Variants in SHC3 observed in about 807,000 individuals in gnomAD.
SHC3 encodes SHC-transforming protein 3.
In SHC3, 15 loss-of-function variants were observed where a neutral mutation model predicts 60.4. The observed-to-expected ratio is 0.25, with a 90% confidence interval of 0.17 to 0.38. The LOEUF (loss-of-function observed/expected upper bound fraction) is 0.38. Ranked by LOEUF, SHC3 falls within the 10% of genes least tolerant of loss-of-function variation. The pLI is 1.00. For synonymous variants in SHC3, 294 were observed against 325.9 expected, an observed-to-expected ratio of 0.90 and a Z score of 1.05; for missense variants, 677 against 786.1, an observed-to-expected ratio of 0.86 and a Z score of 1.66.
At chr9:89,047,713 G>T (rs564181776) in intron 7 of SHC3, among the ~76,000 whole-genome samples, 1 of 152,268 alleles carries the variant, frequency 6.6e-6, no homozygotes, top group South Asian at 2.1e-4. Context: ...GCCCACTAGG[G>T]TAGCTATAAT....
At chr9:89,124,971 T>C (rs563304390) in intron 1 of SHC3, among the ~76,000 whole-genome samples, 33 of 152,150 alleles carry the variant, frequency 2.2e-4, no homozygotes, top group Non-Finnish European at 4.7e-4. Flanking sequence ...AAATCTTGCA[T>C]TGCATTCAAA....
intron 6 of SHC3, among the ~76,000 whole-genome samples, chr9:89,062,574 A>T (rs28549358): frequency 0.052 from 7,952 of 152,336 alleles, 277 homozygotes; most frequent in Middle Eastern, 0.085. Context: ...ACGGAAAAAG[A>T]CAAACAGTAA....
At chr9:89,052,508 T>A (rs1824877999) in intron 6 of SHC3, among the ~76,000 whole-genome samples, 1 of 152,226 alleles carries the variant, frequency 6.6e-6, no homozygotes. Context: ...AGAAGGAGAC[T>A]TCAGCACGAC....
At chr9:89,102,907 G>A (rs578081617) in intron 2 of SHC3, among the ~76,000 whole-genome samples, 1 of 152,166 alleles carries the variant, frequency 6.6e-6, no homozygotes, top group East Asian at 1.9e-4. Flanking sequence ...GTCTCCAGAT[G>A]AATACGAACA....
intron 2 of SHC3, among the ~76,000 whole-genome samples, chr9:89,090,194 T>C (rs984377669): frequency 6.6e-6 from 1 of 152,136 alleles, no homozygotes; most frequent in African/African-American, 2.4e-5. Context: ...TCTCCACCCA[T>C]TTCTCTCTCC....
At chr9:89,065,622 T>C in intron 5 of SHC3, 42 bp from the exon 6 acceptor site, 1 of 1,597,784 alleles carries the variant, frequency 6.3e-7, no homozygotes, top group Non-Finnish European at 8.6e-7. Flanking sequence ...TAATCACAAG[T>C]GAGAGACCAC....
In SHC3 at chr9:89,153,902, C is replaced by T. The variant is rs141631427; in HGVS notation, c.474+24085G>A. ...CGGACCTTCAGTGAGCCTCTGCCAC[C>T]TGCCAGGCACTCCGCAGAGCCTTTC... is the stretch of plus-strand genomic sequence containing the variant. On this transcript the variant is annotated intron_variant, in intron 1 of 11. Coordinates refer to ENST00000375835, the MANE Select transcript of SHC3 (RefSeq NM_016848.6). Among the ~76,000 whole-genome samples, 463 of 152,344 alleles carry T rather than the reference C, an allele frequency of 3.0e-3. 4 individuals carry two copies. Among genetic ancestry groups the T allele is most frequent in the African/African-American group, 9.7e-3 (403 of 41,582 alleles).
At chr9:89,096,914 T>C (rs1825710839) in intron 2 of SHC3, among the ~76,000 whole-genome samples, 1 of 152,052 alleles carries the variant, frequency 6.6e-6, no homozygotes, top group South Asian at 2.1e-4. Context: ...CAGAACCTCA[T>C]AAAAGTACCA....
chr9:89,032,402 CAGCGGT>C (rs1824504965), intron 11 of SHC3, among the ~76,000 whole-genome samples: 1 of 152,212 alleles, frequency 6.6e-6, no homozygotes, highest in South Asian at 2.1e-4. Flanking sequence ...ACCCACCCAC[CAGCGGT>C]AGCAACACAT....
intron 6 of SHC3, among the ~76,000 whole-genome samples, chr9:89,060,780 GTGAC>G (rs1415032062): frequency 6.6e-6 from 1 of 152,148 alleles, no homozygotes; most frequent in Non-Finnish European, 1.5e-5. Flanking sequence ...CGGGCACAGA[GTGAC>G]TGATGATTAA....
intron 6 of SHC3, among the ~76,000 whole-genome samples, chr9:89,052,650 T>C (rs1178697445): frequency 2.0e-5 from 3 of 152,224 alleles, no homozygotes; most frequent in Non-Finnish European, 4.4e-5. Flanking sequence ...CACTTGCTTC[T>C]TAGTGGGGGT....
At position 89,066,516 on chromosome 9, in the gene SHC3, C is replaced by T. The variant is rs145653129; in HGVS notation, c.784-936G>A. ...AAATGATGACCTCAAAAGTAGACCA[C>T]GGCAACCATATGCATTTTAATTCAT... On this transcript the variant is annotated intron_variant, in intron 5 of 11. Transcript: ENST00000375835. Among the ~76,000 whole-genome samples the T allele has an allele frequency of 2.0e-3, 299 of 152,254 alleles. 5 individuals are homozygous for T. The East Asian group carries it at 0.037, about 19-fold the overall frequency.
Position 89,013,515 on chromosome 9 carries a change from T to C in SHC3, c.1717A>G (p.Ser573Gly), listed in dbSNP as rs751419775. ...CCTGCAGAGACAATGGGCAGGCTGC[T>C]TTCTAGGTGGTGGTTGATGAGGTGG... ...ISHLINHHLESSLPIVSAGSE... is the reference protein window; with the variant it reads ...ISHLINHHLEGSLPIVSAGSE... The change falls in exon 12 of 12, where the codon AGC becomes GGC. Residue 573 changes from serine (S) to glycine (G), a missense_variant. Physicochemically the swap from Ser to Gly is moderately conservative, Grantham distance 56. Transcript: ENST00000375835. 14 of 1,613,912 alleles carry C rather than the reference T, an allele frequency of 8.7e-6. No homozygotes were observed. Among genetic ancestry groups the C allele is most frequent in the Non-Finnish European group, 1.0e-5 (12 of 1,179,980 alleles).
intron 2 of SHC3, among the ~76,000 whole-genome samples, chr9:89,095,015 G>A (rs1459687733): frequency 6.6e-6 from 1 of 152,178 alleles, no homozygotes; most frequent in Non-Finnish European, 1.5e-5. Flanking sequence ...ATAGGAACTT[G>A]TTGGAGTATA....
At chr9:89,016,561 C>T (rs1237000425) in intron 11 of SHC3, among the ~76,000 whole-genome samples, 1 of 152,048 alleles carries the variant, frequency 6.6e-6, no homozygotes, top group Non-Finnish European at 1.5e-5. Context: ...AACACAAGGC[C>T]TAGATGGGTT....
chr9:89,026,394 T>G (rs1826303311), intron 11 of SHC3, among the ~76,000 whole-genome samples: 1 of 152,142 alleles, frequency 6.6e-6, no homozygotes, highest in African/African-American at 2.4e-5. Flanking sequence ...GACATTCCCT[T>G]CTAATGATTC....
At chr9:89,140,903 AGAAGGG>A (rs1826384119) in intron 1 of SHC3, among the ~76,000 whole-genome samples, 1 of 152,226 alleles carries the variant, frequency 6.6e-6, no homozygotes. Flanking sequence ...ACAAGATTCA[AGAAGGG>A]GAAAAAGATA....
intron 1 of SHC3, among the ~76,000 whole-genome samples, chr9:89,169,919 G>T (rs1467177650): frequency 6.6e-6 from 1 of 152,202 alleles, no homozygotes; most frequent in African/African-American, 2.4e-5. Flanking sequence ...TTGCAAGACA[G>T]GCAGGGCTGC....
chr9:89,037,321 T>C, intron 11 of SHC3: 1 of 588,630 alleles, frequency 1.7e-6, no homozygotes, highest in Non-Finnish European at 3.0e-6. Context: ...TTTCACTGGA[T>C]AAAAGGTTTT....
Sources: allele counts gnomAD v4.1 joint callset (sites outside exome capture counted in the v4.1 genomes callset), GRCh38; gene constraint gnomAD v4.1.1; transcripts MANE v1.5; gene names NCBI Gene and HGNC (gene_info 2026-07-23, HGNC 2026-07-21).